Variants in PTPRG observed in about 807,000 individuals in gnomAD.
PTPRG encodes the protein receptor-type tyrosine-protein phosphatase gamma.
In PTPRG, 102 loss-of-function variants were observed where a neutral mutation model predicts 165.3. The observed-to-expected ratio is 0.62, with a 90% CI of 0.53 to 0.73. The LOEUF (loss-of-function observed/expected upper bound fraction) is 0.73. Ranked by LOEUF, PTPRG falls within the 30% of genes least tolerant of loss-of-function variation. The pLI, the probability that PTPRG is intolerant of heterozygous loss-of-function variation, is 0.00. For missense variants in PTPRG, 1,866 were observed against 1,861.4 expected, an observed-to-expected ratio of 1.00 and a Z score of -0.05; for synonymous variants, 675 against 669.5, an observed-to-expected ratio of 1.01 and a Z score of -0.13.
intron 5 of PTPRG, among the ~76,000 whole-genome samples, chr3:62,088,823 T>G (rs1216029301): frequency 1.3e-5 from 2 of 152,232 alleles, no homozygotes; most frequent in Non-Finnish European, 2.9e-5. Context: ...CACAGTTTCC[T>G]TAGCATTATA....
At chr3:61,784,975 T>G (rs562160877) in intron 2 of PTPRG, among the ~76,000 whole-genome samples, 50 of 152,298 alleles carry the variant, frequency 3.3e-4, no homozygotes, top group South Asian at 8.3e-4. Flanking sequence ...AAGTACGAAG[T>G]GGCACTGTAT....
chr3:61,980,503 G>A (rs899043667), intron 2 of PTPRG, among the ~76,000 whole-genome samples: 2 of 152,194 alleles, frequency 1.3e-5, no homozygotes, highest in African/African-American at 2.4e-5. Context: ...GGGAGAAGGA[G>A]GAGGGAATTT....
chr3:62,038,866 T>C (rs1308266153), intron 4 of PTPRG, among the ~76,000 whole-genome samples: 1 of 152,180 alleles, frequency 6.6e-6, no homozygotes, highest in Non-Finnish European at 1.5e-5. Context: ...ACTTGGATCA[T>C]GGTAGTCTGT....
chr3:61,747,179 T>G (rs2033241732), intron 1 of PTPRG, among the ~76,000 whole-genome samples: 1 of 152,160 alleles, frequency 6.6e-6, no homozygotes, highest in South Asian at 2.1e-4. Flanking sequence ...GGTGCTCTGC[T>G]CACCATAACT....
intron 2 of PTPRG, among the ~76,000 whole-genome samples, chr3:61,830,482 T>G (rs1412433443): frequency 1.3e-5 from 2 of 152,208 alleles, no homozygotes; most frequent in Non-Finnish European, 2.9e-5. Flanking sequence ...TTGCTGATTC[T>G]TGACAGATTT....
intron 1 of PTPRG, among the ~76,000 whole-genome samples, chr3:61,606,911 T>C (rs1034185931): frequency 6.6e-6 from 1 of 152,194 alleles, no homozygotes; most frequent in Non-Finnish European, 1.5e-5. Flanking sequence ...GCACCAGATA[T>C]CATGCCTTAC....
chr3:62,090,848 G>A (rs1701903754), intron 5 of PTPRG, among the ~76,000 whole-genome samples: 1 of 152,126 alleles, frequency 6.6e-6, no homozygotes, highest in African/African-American at 2.4e-5. Flanking sequence ...CTGAGGTGTT[G>A]GAGTGAGGCG....
intron 2 of PTPRG, among the ~76,000 whole-genome samples, chr3:61,817,118 A>C (rs1575688500): frequency 7.5e-6 from 1 of 132,776 alleles, no homozygotes; most frequent in African/African-American, 2.8e-5. Flanking sequence ...TACATATTAC[A>C]TATGTATTAC....
At chr3:61,950,989 C>T (rs2039886421) in intron 2 of PTPRG, among the ~76,000 whole-genome samples, 1 of 152,178 alleles carries the variant, frequency 6.6e-6, no homozygotes, top group South Asian at 2.1e-4. Context: ...TCCCTTTCAG[C>T]CCATTGGCTC....
intron 2 of PTPRG, among the ~76,000 whole-genome samples, chr3:61,889,376 T>C (rs180909759): frequency 4.6e-5 from 7 of 152,354 alleles, no homozygotes; most frequent in Admixed American, 3.3e-4. Flanking sequence ...GCTGTTCAAA[T>C]TGATTGTCCC....
chr3:62,068,786 C>T (rs1035964715), intron 4 of PTPRG, among the ~76,000 whole-genome samples: 1 of 152,088 alleles, frequency 6.6e-6, no homozygotes, highest in African/African-American at 2.4e-5. Context: ...CTAGTGTGCA[C>T]CTTAGGTTCT....
chr3:61,799,980 C>G (rs957059245), intron 2 of PTPRG, among the ~76,000 whole-genome samples: 1 of 152,198 alleles, frequency 6.6e-6, no homozygotes. Context: ...TCCAACCCTG[C>G]TAACTTCCTA....
chr3:62,171,899 G>A (rs573665337), intron 8 of PTPRG, among the ~76,000 whole-genome samples: 4 of 152,034 alleles, frequency 2.6e-5, no homozygotes, highest in South Asian at 4.2e-4. Context: ...CCTTCCCTTC[G>A]TCTGCCCTGT....
chr3:62,010,396 G>GTGTGTGTGTGTGTGTA (rs1199829283), intron 4 of PTPRG, among the ~76,000 whole-genome samples: 2 of 151,866 alleles, frequency 1.3e-5, no homozygotes, highest in African/African-American at 4.8e-5. Flanking sequence ...GTGTGTGTGT[G>GTGTGTGTGTGTGTGTA]TATAAGTTCA....
At chr3:61,916,115 G>C (rs1436959638) in intron 2 of PTPRG, among the ~76,000 whole-genome samples, 1 of 152,170 alleles carries the variant, frequency 6.6e-6, no homozygotes, top group Non-Finnish European at 1.5e-5. Flanking sequence ...AGTTACATTT[G>C]CCATGTAAGA....
rs547812505 is a variant in PTPRG, at chr3:62,195,824, C to T, written c.1327+654C>T. Among the ~76,000 whole-genome samples the T allele has an allele frequency of 7.2e-5, 11 of 152,182 alleles. No individual in the cohort carries two copies. Among genetic ancestry groups the T allele is most frequent in the Non-Finnish European group, 1.0e-4 (7 of 68,000 alleles). ...GTTTGTTTGTTTTGAGATGAAGTCTCGCTCTGTTGCCCAAGCTGGAGTGCA... is the reference window on the plus strand; with the variant it reads ...GTTTGTTTGTTTTGAGATGAAGTCTTGCTCTGTTGCCCAAGCTGGAGTGCA... On this transcript the variant is annotated intron_variant, in intron 10 of 29. Coordinates refer to ENST00000474889, the MANE Select transcript of PTPRG (RefSeq NM_002841.4). This position sits in a 1 kb window ranked among gnomAD's most constrained non-coding sequence, Gnocchi z 4.4.
chr3:62,071,356 T>A (rs1373454446), intron 4 of PTPRG, among the ~76,000 whole-genome samples: 1 of 152,212 alleles, frequency 6.6e-6, no homozygotes, highest in Non-Finnish European at 1.5e-5. Flanking sequence ...GATCATTTCC[T>A]TTTGCTTCCA....
chr3:61,726,971 C>T (rs60211971), intron 1 of PTPRG, among the ~76,000 whole-genome samples: 6,488 of 150,164 alleles, frequency 0.043, 238 homozygotes, highest in African/African-American at 0.1. Context: ...GGCGTGAACC[C>T]GGGAGGCGGA....
In PTPRG at chr3:62,158,748, T is replaced by A. The variant is rs1704633029; in HGVS notation, c.840+1524T>A. Among the ~76,000 whole-genome samples the A allele has an allele frequency of 2.0e-5, 3 of 152,338 alleles. No individual in the cohort carries two copies. In the South Asian group the frequency reaches 6.2e-4, roughly 32 times the overall value. On this transcript the variant is annotated intron_variant, in intron 7 of 29. Transcript: ENST00000474889. ...CCAGGCTGAACAAATTTATTTGGCC[T>A]CACTGCTGTTTTGGCAATCATTTTA...
Sources: allele counts gnomAD v4.1 joint callset (sites outside exome capture counted in the v4.1 genomes callset), GRCh38; gene constraint gnomAD v4.1.1; non-coding constraint Gnocchi (gnomAD v3.1); transcripts MANE v1.5; gene names NCBI Gene and HGNC (gene_info 2026-07-23, HGNC 2026-07-21).